Variants in PTCHD4 observed in about 807,000 individuals in gnomAD.
PTCHD4 encodes patched domain containing 4.
In PTCHD4, 33 loss-of-function variants were observed where a neutral mutation model predicts 58.1. The ratio of observed to expected loss-of-function variants is 0.57; its 90% CI spans 0.43 to 0.76. The LOEUF is 0.76. PTCHD4 is among the 30% of genes least tolerant of loss of function. The pLI is 0.00. For synonymous variants in PTCHD4, 478 were observed against 409.6 expected (o/e 1.17, Z -2.02); for missense variants, 1,058 against 1,027.1 (o/e 1.03, Z -0.41).
intron 4 of PTCHD4, among the ~76,000 whole-genome samples, chr6:47,924,688 G>A (rs1251454342): frequency 1.3e-5 from 2 of 152,064 alleles, no homozygotes; most frequent in Non-Finnish European, 2.9e-5. Context: ...TTTGGCCCTG[G>A]GCTTCTAAGC....
chr6:47,879,903 G>A lies in PTCHD4; in HGVS notation c.932C>T (p.Ser311Phe). ...GTTCTCTTTGGTTCTCCGCCATCCG[G>A]ACAGAAGCTCAAACACTCCTTTAGT... ...HGTKGVFELL[S>F]GWRRTKENLP... is the part of the protein sequence containing the mutation. The change falls in exon 5 of 5, where the codon TCC becomes TTC. Residue 311 changes from serine (S) to phenylalanine (F), a missense_variant. Transcript: ENST00000339488. 1 of 1,570,480 alleles carries A rather than the reference G, an allele frequency of 6.4e-7. No homozygotes were observed. Among genetic ancestry groups the A allele is most frequent in the Non-Finnish European group, 8.6e-7 (1 of 1,157,320 alleles).
chr6:48,048,576 C>T (rs1452778832), intron 3 of PTCHD4, among the ~76,000 whole-genome samples: 1 of 151,882 alleles, frequency 6.6e-6, no homozygotes, highest in African/African-American at 2.4e-5. Flanking sequence ...GGAGGATGGC[C>T]TCTGTGATTT....
intron 4 of PTCHD4, among the ~76,000 whole-genome samples, chr6:47,967,899 C>A (rs992707523): frequency 6.6e-6 from 1 of 152,080 alleles, no homozygotes; most frequent in African/African-American, 2.4e-5. Context: ...CCTTACAGAC[C>A]ACTATAATGT....
chr6:48,053,337 G>A (rs773770911), intron 3 of PTCHD4, among the ~76,000 whole-genome samples: 4 of 152,140 alleles, frequency 2.6e-5, no homozygotes, highest in East Asian at 1.9e-4. Context: ...TCACTTTGTC[G>A]TTCATTAATT....
intron 1 of PTCHD4, among the ~76,000 whole-genome samples, chr6:48,084,920 T>C (rs1582124143): frequency 6.6e-6 from 1 of 151,882 alleles, no homozygotes. Flanking sequence ...ATTTTTTGTA[T>C]CTTAGTAGAG....
intron 4 of PTCHD4, among the ~76,000 whole-genome samples, chr6:47,939,107 T>C (rs1448305534): frequency 6.6e-6 from 1 of 152,090 alleles, no homozygotes; most frequent in Non-Finnish European, 1.5e-5. Context: ...GACAAGTTCT[T>C]TGGAGAAGAG....
At chr6:47,909,110 C>T (rs1764988004) in intron 4 of PTCHD4, among the ~76,000 whole-genome samples, 1 of 152,056 alleles carries the variant, frequency 6.6e-6, no homozygotes, top group Non-Finnish European at 1.5e-5. Flanking sequence ...AATATACAGG[C>T]TTAATGCTAC....
At chr6:48,035,438 A>G (rs1763598224) in intron 3 of PTCHD4, among the ~76,000 whole-genome samples, 1 of 152,148 alleles carries the variant, frequency 6.6e-6, no homozygotes, top group African/African-American at 2.4e-5. Flanking sequence ...ATGATTCAGA[A>G]ATTATGAATC....
intron 4 of PTCHD4, among the ~76,000 whole-genome samples, chr6:47,897,976 G>A (rs532471414): frequency 1.9e-5 from 2 of 107,214 alleles, no homozygotes; most frequent in African/African-American, 7.3e-5. Context: ...AGACAGAGTC[G>A]CTTTGTTGCC....
In PTCHD4 at chr6:47,879,821, G is replaced by A. The variant is rs1398370207; in HGVS notation, c.1014C>T (p.Thr338=). Reference sequence around the variant, plus strand: ...TGATGAAGTACAGGGAGCTGGTCATGGTATAGGTGACCATCACATCAGAAT... The same window carrying A: ...TGATGAAGTACAGGGAGCTGGTCATAGTATAGGTGACCATCACATCAGAAT... ...DAYSDVMVTY[T]MTSSLYFITF... Residue 338 remains threonine, a synonymous_variant, in exon 5 of 5, where the codon ACC becomes ACT. Coordinates refer to ENST00000339488, the MANE Select transcript of PTCHD4 (RefSeq NM_001384253.1). The A allele has an allele frequency of 6.2e-7, 1 of 1,613,218 alleles. No individual in the cohort carries two copies. Among genetic ancestry groups the A allele is most frequent in the Admixed American group, 1.7e-5 (1 of 59,882 alleles).
At position 47,948,609 on chromosome 6, in the gene PTCHD4, T is replaced by G. The variant is rs376253257; in HGVS notation, c.898+60025A>C. ...AGAGAGGGAGCTGAAATTTCTTCTG[T>G]TCTCTCCATTCCTTTGTCTTTGTCT... is the stretch of plus-strand genomic sequence containing the variant. On this transcript the variant is annotated intron_variant, in intron 4 of 4. Coordinates refer to ENST00000339488, the MANE Select transcript of PTCHD4 (RefSeq NM_001384253.1). Among the ~76,000 whole-genome samples the G allele has an allele frequency of 3.3e-5, 5 of 152,218 alleles. No individual in the cohort carries two copies. The East Asian group carries it at 7.7e-4, about 23-fold the overall frequency.
At chr6:48,027,000 G>A (rs913343372) in intron 3 of PTCHD4, among the ~76,000 whole-genome samples, 2 of 151,678 alleles carry the variant, frequency 1.3e-5, no homozygotes, top group African/African-American at 4.8e-5. Flanking sequence ...ATATGAACCG[G>A]TAAGTTATAT....
chr6:47,864,769 T>C lies in PTCHD4; in HGVS notation c.*13534A>G, dbSNP rs1442189851. ...GTTAAAACCATGTATGTGTGAAATATTTGACAGGACAATTATACCATAGGA... is the reference window on the plus strand; with the variant it reads ...GTTAAAACCATGTATGTGTGAAATACTTGACAGGACAATTATACCATAGGA... On this transcript the variant is annotated 3_prime_UTR_variant, in exon 5 of 5. Coordinates refer to ENST00000339488, the MANE Select transcript of PTCHD4 (RefSeq NM_001384253.1). Among the ~76,000 whole-genome samples, 1 of 151,960 alleles carries C rather than the reference T, an allele frequency of 6.6e-6. No individual in the cohort carries two copies. The highest frequency in any genetic ancestry group is 1.5e-5 in the Non-Finnish European group (1 of 67,920).
At chr6:48,038,606 T>C (rs1353387527) in intron 3 of PTCHD4, among the ~76,000 whole-genome samples, 1 of 151,032 alleles carries the variant, frequency 6.6e-6, no homozygotes, top group East Asian at 2.0e-4. Context: ...TGGCACTGCA[T>C]TTGAGCCAAG....
Position 47,879,320 on chromosome 6 carries a change from C to T in PTCHD4, c.1515G>A (p.Gln505=). 1 of 1,612,966 alleles carries T rather than the reference C, an allele frequency of 6.2e-7. No homozygotes were observed. The highest frequency in any genetic ancestry group is 1.1e-5 in the South Asian group (1 of 90,960). Reference sequence around the variant, plus strand: ...GGCTATAGTTGCTGAAATATTTCTGCTGAACCATGGCATAGGAAACACTTG... The same window carrying T: ...GGCTATAGTTGCTGAAATATTTCTGTTGAACCATGGCATAGGAAACACTTG... ...DSPSVSYAMV[Q]QKYFSNYSPV... Residue 505 remains glutamine (Q), a synonymous_variant, in exon 5 of 5, where the codon CAG becomes CAA. Transcript: ENST00000339488.
chr6:48,021,942 A>G (rs1002246698), intron 3 of PTCHD4, among the ~76,000 whole-genome samples: 8 of 152,168 alleles, frequency 5.3e-5, no homozygotes, highest in Non-Finnish European at 7.4e-5. Flanking sequence ...TGAAACAAAT[A>G]TGGAGTACAT....
chr6:47,987,566 A>G (rs1354467895), intron 4 of PTCHD4, among the ~76,000 whole-genome samples: 1 of 152,094 alleles, frequency 6.6e-6, no homozygotes, highest in Non-Finnish European at 1.5e-5. Flanking sequence ...AAACACATAG[A>G]TACACTAAAG....
intron 1 of PTCHD4, among the ~76,000 whole-genome samples, chr6:48,071,186 T>C (rs1416761188): frequency 6.6e-6 from 1 of 152,132 alleles, no homozygotes; most frequent in Non-Finnish European, 1.5e-5. Context: ...AATATGTCAG[T>C]GTTATTGTCT....
Position 47,865,596 on chromosome 6 carries a change from T to TA in PTCHD4, c.*12706dup, listed in dbSNP as rs1182651825. 6.6e-6 allele frequency among the ~76,000 whole-genome samples: 1 copy of TA among 151,988 alleles called. No homozygotes were observed. Among genetic ancestry groups the TA allele is most frequent in the Non-Finnish European group, 1.5e-5 (1 of 67,888 alleles). On this transcript the variant is annotated 3_prime_UTR_variant, in exon 5 of 5. Coordinates refer to ENST00000339488, the MANE Select transcript of PTCHD4 (RefSeq NM_001384253.1). Reference sequence around the variant, plus strand: ...TTGGGTGTTCAGGCCATCTTACAGATATAAGTTTTGTGAATTGTATTTATT... The same window carrying TA: ...TTGGGTGTTCAGGCCATCTTACAGATAATAAGTTTTGTGAATTGTATTTATT...
Sources: gnomAD v4.1 joint callset for allele counts (sites outside exome capture counted in the v4.1 genomes callset) on GRCh38, gnomAD v4.1.1 for gene constraint, MANE v1.5 for transcripts, NCBI Gene and HGNC (gene_info 2026-07-23, HGNC 2026-07-21) for gene names.